CBR3: variants seen among roughly 807,000 people sequenced by gnomAD.
CBR3 encodes the protein carbonyl reductase [NADPH] 3.
In CBR3, 14 loss-of-function variants were observed where a neutral mutation model predicts 11.6. The ratio of observed to expected loss-of-function variants is 1.20; its 90% CI spans 0.79 to 1.88. The LOEUF is 1.88. Ranked by LOEUF, CBR3 falls within the 40% of genes most tolerant of loss-of-function variation. CBR3 has a pLI of 0.00. For missense variants in CBR3, 308 were observed against 357.3 expected, an observed-to-expected ratio of 0.86 and a Z score of 1.11; for synonymous variants, 125 against 145.6, an observed-to-expected ratio of 0.86 and a Z score of 1.02.
chr21:36,146,114 GC>G lies in CBR3; in HGVS notation c.437del (p.Ala146ValfsTer27). On this transcript the variant is annotated frameshift_variant, in exon 3 of 3. Transcript: ENST00000290354. LOFTEE classifies it low-confidence loss of function (END_TRUNC). ...TATCAGTAGTTTGCAGTGTTTAAGG[GC>G]TTTTGAAAACTGCAGTGAAGATCTG... is the stretch of plus-strand genomic sequence containing the variant. Reference protein sequence around the residue: ...VNISSLQCLRAFENCSEDLQE... With the variant: ...VNISSLQCLRXFENCSEDLQE... 6.2e-7 allele frequency: 1 copy of G among 1,613,984 alleles called. No homozygotes were observed. Among genetic ancestry groups the G allele is most frequent in the Non-Finnish European group, 8.5e-7 (1 of 1,179,944 alleles).
chr21:36,145,880 G>C (rs2065749611), intron 2 of CBR3, among the ~76,000 whole-genome samples, 196 bp from the exon 3 acceptor site: 1 of 148,406 alleles, frequency 6.7e-6, no homozygotes, highest in African/African-American at 2.5e-5. Flanking sequence ...AGAATTGCTT[G>C]AACCTGGGAG....
At chr21:36,135,949 G>A (rs750966233) in intron 1 of CBR3, among the ~76,000 whole-genome samples, 8 of 152,352 alleles carry the variant, frequency 5.3e-5, no homozygotes, top group East Asian at 3.9e-4. Context: ...CGCTAAAACA[G>A]GATTAGCGCG....
chr21:36,136,039 G>C (rs575694308), intron 1 of CBR3, among the ~76,000 whole-genome samples: 1 of 152,118 alleles, frequency 6.6e-6, no homozygotes, highest in African/African-American at 2.4e-5. Flanking sequence ...GAGCCTTCTC[G>C]TTCCCCCACC....
In CBR3 at chr21:36,146,432, G is replaced by A. The variant is rs2123355784; in HGVS notation, c.754G>A (p.Val252Ile). Residue 252 changes from valine to isoleucine, a missense_variant, in exon 3 of 3, where the codon GTC (valine) becomes ATC (isoleucine). Physicochemically the swap from Val to Ile is conservative, Grantham distance 29 (BLOSUM62 3). Coordinates refer to ENST00000290354, the MANE Select transcript of CBR3 (RefSeq NM_001236.4). ...RTVEEGAETP[V>I]YLALLPPDAT... The stretch of plus-strand genomic sequence containing the variant: ...TGTGGAGGAGGGGGCTGAGACCCCT[G>A]TCTACTTGGCCCTCTTGCCTCCAGA... 6.2e-7 allele frequency: 1 copy of A among 1,614,176 alleles called. No individual in the cohort carries two copies. The highest frequency in any genetic ancestry group is 8.5e-7 in the Non-Finnish European group (1 of 1,179,998).
intron 2 of CBR3, chr21:36,145,103 T>TA (rs2065743685): frequency 6.6e-6 from 1 of 152,134 alleles, no homozygotes; most frequent in Non-Finnish European, 1.5e-5. Flanking sequence ...GACTGCGTCT[T>TA]AAAAAATAAA....
chr21:36,136,763 C>T (rs1301856677), intron 1 of CBR3, among the ~76,000 whole-genome samples: 1 of 152,198 alleles, frequency 6.6e-6, no homozygotes, highest in Non-Finnish European at 1.5e-5. Context: ...CGCGGTGGCT[C>T]ATGCCTGTAA....
At position 36,145,948 on chromosome 21, in the gene CBR3, G is replaced by A. The variant is rs1299979184; in HGVS notation, c.398-128G>A. The A allele has an allele frequency of 5.7e-5, 39 of 686,988 alleles. No homozygotes were observed. In the East Asian group the frequency reaches 8.7e-4, roughly 15 times the overall value. 42.6% of individuals were successfully genotyped at this position (686,988 alleles called of 1,614,324 possible). A position where few individuals can be genotyped will look rare whatever the true frequency, so the allele number is the denominator to read the frequency against. The stretch of plus-strand genomic sequence containing the variant: ...TGCACTCTAGCCTGGGCAACAGGGC[G>A]AGACTCTGTCTCAAAAAAAAAAAAA... On this transcript the variant is annotated intron_variant, in intron 2 of 2. Transcript: ENST00000290354.
At chr21:36,136,168 T>C (rs2065658501) in intron 1 of CBR3, among the ~76,000 whole-genome samples, 1 of 151,954 alleles carries the variant, frequency 6.6e-6, no homozygotes, top group Non-Finnish European at 1.5e-5. Flanking sequence ...TGAAGAAAAT[T>C]ACAGGAGGGC....
intron 2 of CBR3, chr21:36,145,051 C>T (rs8129801): frequency 0.29 from 44,326 of 152,156 alleles, 7,245 homozygotes; most frequent in South Asian, 0.5. Context: ...TTGCAGTGAG[C>T]CAAGATTGTG....
chr21:36,141,449 A>C (rs4817782), intron 2 of CBR3: 58,838 of 151,898 alleles, frequency 0.39, 11,732 homozygotes, highest in South Asian at 0.5. Context: ...CTGAAAGTGA[A>C]ATGCAGAATG....
rs746911567 is a variant in CBR3 at position 36,135,412 on chromosome 21, C to T, written c.220C>T (p.Arg74Cys). 1.2e-6 allele frequency: 2 copies of T among 1,613,602 alleles called. No individual in the cohort carries two copies. The highest frequency in any genetic ancestry group is 8.5e-7 in the Non-Finnish European group (1 of 1,179,788). The change falls in exon 1 of 3, where the codon CGC (arginine) becomes TGC (cysteine). Residue 74 changes from arginine to cysteine, a missense_variant. Physicochemically the swap from Arg to Cys is radical, Grantham distance 180. Transcript: ENST00000290354. ...CGACTTGCAGAGCATCCGCGCCCTG[C>T]GCGACTTCCTGCGCAAGGAGTACGG... Reference protein sequence around the residue: ...IDDLQSIRALRDFLRKEYGGL... With the variant: ...IDDLQSIRALCDFLRKEYGGL...
Position 36,137,935 on chromosome 21 carries a change from A to T in CBR3, c.397+3A>T. 6.5e-7 allele frequency: 1 copy of T among 1,544,018 alleles called. No individual in the cohort carries two copies. The highest frequency in any genetic ancestry group is 9.0e-7 in the Non-Finnish European group (1 of 1,116,832). On this transcript the variant is annotated splice_donor_region_variant and intron_variant, in intron 2 of 2. Transcript: ENST00000290354. ...ACTGCCGATAATGAAACCTCATGGT[A>T]AGCCCAACGTGTGGACAGTCGGGTT...
At chr21:36,140,926 T>C (rs1021076128) in intron 2 of CBR3, among the ~76,000 whole-genome samples, 2 of 143,006 alleles carry the variant, frequency 1.4e-5, no homozygotes, top group Non-Finnish European at 3.0e-5. Context: ...GAGAATGGCA[T>C]GAACCCGGGA....
intron 2 of CBR3, among the ~76,000 whole-genome samples, chr21:36,142,444 A>AAAAAAAAAAAAAAAAC (rs1568981461): frequency 3.3e-5 from 5 of 150,396 alleles, no homozygotes; most frequent in African/African-American, 1.2e-4. Flanking sequence ...AAAAAAAAAA[A>AAAAAAAAAAAAAAAAC]AAAACGCAAT....
intron 2 of CBR3, among the ~76,000 whole-genome samples, chr21:36,138,137 T>TTTA (rs1404820149): frequency 2.5e-3 from 261 of 103,694 alleles, no homozygotes; most frequent in African/African-American, 8.0e-3. Context: ...AGTTTAGTTT[T>TTTA]GTTTTGTTTG....
chr21:36,140,087 C>G lies in CBR3; in HGVS notation c.397+2155C>G, dbSNP rs140521864. Among the ~76,000 whole-genome samples the G allele has an allele frequency of 6.1e-4, 92 of 152,048 alleles. 1 individual carries two copies. In the East Asian group the frequency reaches 0.015, roughly 24 times the overall value. ...TATTTCTAGTAGAGACAGGGTTTCA[C>G]CATGTTGGCCAGCTTGATCTCGAAT... On this transcript the variant is annotated intron_variant, in intron 2 of 2. Coordinates refer to ENST00000290354, the MANE Select transcript of CBR3 (RefSeq NM_001236.4).
At position 36,137,950 on chromosome 21, in the gene CBR3, A is replaced by C. The variant is rs2065675294; in HGVS notation, c.397+18A>C. ...ACCTCATGGTAAGCCCAACGTGTGGACAGTCGGGTTGCATCCCTCAGTAAG... is the reference window on the plus strand; with the variant it reads ...ACCTCATGGTAAGCCCAACGTGTGGCCAGTCGGGTTGCATCCCTCAGTAAG... On this transcript the variant is annotated intron_variant, in intron 2 of 2. Coordinates refer to ENST00000290354, the MANE Select transcript of CBR3 (RefSeq NM_001236.4). The C allele has an allele frequency of 4.3e-6, 6 of 1,387,470 alleles. No homozygotes were observed. The East Asian group carries it at 1.4e-4, about 32-fold the overall frequency. The allele number at this position is 1,387,470 out of a possible 1,614,324, so 85.9% of individuals were successfully genotyped here.
Position 36,135,482 on chromosome 21 carries a change from G to A in CBR3, c.289+1G>A. 6.2e-7 allele frequency: 1 copy of A among 1,607,392 alleles called. No homozygotes were observed. Among genetic ancestry groups the A allele is most frequent in the Non-Finnish European group, 8.5e-7 (1 of 1,176,124 alleles). ...AACAACGCGGCCGTCGCCTTCAAGA[G>A]TAGGTGCAGGGCTTGGGTTGGGGCC... On this transcript the variant is annotated splice_donor_variant, in intron 1 of 2. Transcript: ENST00000290354. LOFTEE classifies it high-confidence loss of function.
intron 2 of CBR3, among the ~76,000 whole-genome samples, chr21:36,142,533 T>A (rs1236962526): frequency 6.6e-6 from 1 of 151,866 alleles, no homozygotes; most frequent in Non-Finnish European, 1.5e-5. Context: ...TGGACACATT[T>A]GAATATGGGC....
Sources: allele counts gnomAD v4.1 joint callset (sites outside exome capture counted in the v4.1 genomes callset), GRCh38; gene constraint gnomAD v4.1.1; transcripts MANE v1.5; gene names NCBI Gene and HGNC (gene_info 2026-07-23, HGNC 2026-07-21).